The following BOC variants were observed in gnomAD, a reference collection of about 807,000 sequenced individuals.
The protein encoded by BOC is brother of CDO.
In BOC, 76 loss-of-function variants were observed where a neutral mutation model predicts 112.0. The observed-to-expected ratio is 0.68, with a 90% CI of 0.56 to 0.82. The LOEUF (loss-of-function observed/expected upper bound fraction) is 0.82, where lower values mean the gene tolerates loss of function less well. BOC is among the 40% of genes least tolerant of loss of function. The pLI is 0.00. For missense variants in BOC, 1,309 were observed against 1,511.7 expected, an observed-to-expected ratio of 0.87 and a Z score of 2.22; for synonymous variants, 580 against 599.8, an observed-to-expected ratio of 0.97 and a Z score of 0.48.
chr3:113,257,024 G>A (rs1020848745), intron 4 of BOC, among the ~76,000 whole-genome samples: 1 of 152,178 alleles, frequency 6.6e-6, no homozygotes, highest in Non-Finnish European at 1.5e-5. Flanking sequence ...TTTTCTCAAA[G>A]TAAAAGATTG....
intron 3 of BOC, 75 bp from the exon 4 acceptor site, chr3:113,250,480 T>C: frequency 6.6e-7 from 1 of 1,517,222 alleles, no homozygotes; most frequent in Non-Finnish European, 8.9e-7. Flanking sequence ...ACTTCCTGGG[T>C]GCAGTGCTTC....
At chr3:113,275,864 A>G (rs1948610561) in intron 9 of BOC, among the ~76,000 whole-genome samples, 1 of 152,124 alleles carries the variant, frequency 6.6e-6, no homozygotes, top group Non-Finnish European at 1.5e-5. Context: ...TCCTTGGGTC[A>G]GGACAAGTCC....
chr3:113,278,067 C>T lies in BOC; in HGVS notation c.1543-28C>T, dbSNP rs1024836399. ...CACTCGTAGCCCGAGGCTGAGATGC[C>T]GGTCTTTATACCAGCTACCTTCTCC... On this transcript the variant is annotated intron_variant, in intron 9 of 19. Transcript: ENST00000682979. The surrounding 1 kb of genome is among the most constrained non-coding windows in gnomAD (Gnocchi z 4.2). The T allele has an allele frequency of 1.9e-6, 3 of 1,613,142 alleles. No homozygotes were observed. Among genetic ancestry groups the T allele is most frequent in the Non-Finnish European group, 2.5e-6 (3 of 1,179,276 alleles).
chr3:113,221,826 T>G (rs1576323798), intron 2 of BOC, among the ~76,000 whole-genome samples: 1 of 152,084 alleles, frequency 6.6e-6, no homozygotes, highest in Admixed American at 6.5e-5. Flanking sequence ...AACACCTCAC[T>G]CCTTCCCTCT....
chr3:113,223,134 T>A (rs538512334), intron 2 of BOC, among the ~76,000 whole-genome samples: 11 of 152,360 alleles, frequency 7.2e-5, no homozygotes, highest in African/African-American at 2.6e-4. Flanking sequence ...GGTCTTATGC[T>A]GACACCAAAG....
chr3:113,253,109 C>A (rs1192448375), intron 4 of BOC, among the ~76,000 whole-genome samples: 1 of 152,178 alleles, frequency 6.6e-6, no homozygotes, highest in Admixed American at 6.5e-5. Flanking sequence ...CATATAACCA[C>A]CACCATCATT....
intron 2 of BOC, among the ~76,000 whole-genome samples, chr3:113,226,409 A>G (rs568068078): frequency 1.3e-5 from 2 of 152,312 alleles, no homozygotes; most frequent in Non-Finnish European, 2.9e-5. Context: ...ACCTGTAGAC[A>G]TGAGGGTGGG....
chr3:113,272,594 C>G lies in BOC; in HGVS notation c.852C>G (p.Leu284=), dbSNP rs775488222. The stretch of plus-strand genomic sequence containing the variant: ...AGACGCGCTTCCTGCTGAGCAACCT[C>G]CTCATCGACACCACCAGCGAGGAGG... ...YNKTRFLLSN[L]LIDTTSEEDS... is the part of the protein sequence containing the mutation. Residue 284 remains leucine (L), a synonymous_variant, in exon 7 of 20, where the codon CTC becomes CTG. Coordinates refer to ENST00000682979, the MANE Select transcript of BOC (RefSeq NM_001378074.1). 1 of 1,614,088 alleles carries G rather than the reference C, an allele frequency of 6.2e-7. No individual in the cohort carries two copies. The highest frequency in any genetic ancestry group is 8.5e-7 in the Non-Finnish European group (1 of 1,180,016).
intron 4 of BOC, among the ~76,000 whole-genome samples, chr3:113,260,524 G>A (rs1946701622): frequency 2.0e-5 from 3 of 152,176 alleles, no homozygotes; most frequent in Admixed American, 1.3e-4. Flanking sequence ...CCAGGCAGCA[G>A]ACCAGTACCG....
At chr3:113,248,897 G>T (rs1373262826) in intron 2 of BOC, among the ~76,000 whole-genome samples, 2 of 152,152 alleles carry the variant, frequency 1.3e-5, no homozygotes, top group Non-Finnish European at 2.9e-5. Context: ...GATACAACTT[G>T]GGTAATCAAG....
At chr3:113,282,241 C>G (rs778579934) in intron 15 of BOC, among the ~76,000 whole-genome samples, 7 of 152,104 alleles carry the variant, frequency 4.6e-5, no homozygotes, top group Non-Finnish European at 1.0e-4. Flanking sequence ...GTGGATTTGT[C>G]TGCTGAGATG....
chr3:113,243,595 G>A (rs971367848), intron 2 of BOC, among the ~76,000 whole-genome samples: 3 of 152,268 alleles, frequency 2.0e-5, no homozygotes, highest in East Asian at 3.9e-4. Context: ...TCAGGCGGTC[G>A]TAGGATTAGG....
At chr3:113,234,898 G>A (rs938065925) in intron 2 of BOC, among the ~76,000 whole-genome samples, 3 of 152,178 alleles carry the variant, frequency 2.0e-5, no homozygotes, top group African/African-American at 4.8e-5. Flanking sequence ...TCCCTCGAGC[G>A]CTTCCTGGGA....
At chr3:113,229,115 T>TAG (rs1320944163) in intron 2 of BOC, among the ~76,000 whole-genome samples, 1 of 152,142 alleles carries the variant, frequency 6.6e-6, no homozygotes, top group Non-Finnish European at 1.5e-5. Flanking sequence ...TGAGGTGGGG[T>TAG]AGAGGGTTGT....
intron 2 of BOC, among the ~76,000 whole-genome samples, chr3:113,233,577 G>A (rs1943003115): frequency 6.6e-6 from 1 of 151,996 alleles, no homozygotes. Flanking sequence ...CTTTCACCTT[G>A]GCATCTCAGG....
At chr3:113,230,962 A>G (rs1559813871) in intron 2 of BOC, among the ~76,000 whole-genome samples, 1 of 152,212 alleles carries the variant, frequency 6.6e-6, no homozygotes, top group East Asian at 1.9e-4. Flanking sequence ...TTTTTCCCCA[A>G]AAATACTTAT....
chr3:113,245,056 A>G (rs1361557136), intron 2 of BOC, among the ~76,000 whole-genome samples: 1 of 152,186 alleles, frequency 6.6e-6, no homozygotes, highest in Non-Finnish European at 1.5e-5. Flanking sequence ...CACATTATTC[A>G]TAACACTCAA....
chr3:113,260,789 G>C (rs1260457610), intron 4 of BOC, among the ~76,000 whole-genome samples: 1 of 125,092 alleles, frequency 8.0e-6, no homozygotes, highest in Non-Finnish European at 1.6e-5. Context: ...TTCACCATTA[G>C]AGGGTGAACC....
At chr3:113,233,876 C>T (rs183165600) in intron 2 of BOC, among the ~76,000 whole-genome samples, 40 of 150,252 alleles carry the variant, frequency 2.7e-4, no homozygotes, top group East Asian at 1.8e-3. Context: ...AGAACCACGG[C>T]GGGCTCCCAA....
Sources: allele counts gnomAD v4.1 joint callset (sites outside exome capture counted in the v4.1 genomes callset), GRCh38; gene constraint gnomAD v4.1.1; non-coding constraint Gnocchi (gnomAD v3.1); transcripts MANE v1.5; gene names NCBI Gene and HGNC (gene_info 2026-07-23, HGNC 2026-07-21).